CACNA1E: variants seen among roughly 807,000 people sequenced by gnomAD.
CACNA1E encodes voltage-dependent R-type calcium channel subunit alpha-1E.
A neutral mutation model predicts 259.2 loss-of-function variants in CACNA1E; 40 were observed. The ratio of observed to expected loss-of-function variants is 0.15; its 90% CI spans 0.12 to 0.20. The LOEUF (loss-of-function observed/expected upper bound fraction) is 0.20, where lower values mean the gene tolerates loss of function less well. Among genes scored for constraint, CACNA1E ranks in the 10% least tolerant of loss-of-function variants. The pLI is 1.00. For synonymous variants in CACNA1E, 1,104 were observed against 1,138.5 expected (o/e 0.97, Z 0.61); for missense variants, 1,874 against 3,040.1 (o/e 0.62, Z 9.02).
chr1:181,709,208 C>A (rs1288392705), intron 7 of CACNA1E, among the ~76,000 whole-genome samples: 7 of 152,182 alleles, frequency 4.6e-5, no homozygotes, highest in African/African-American at 1.7e-4. Flanking sequence ...TTTCAAATTT[C>A]TGAAATTCAG....
chr1:181,514,268 T>C (rs929529898), intron 3 of CACNA1E, among the ~76,000 whole-genome samples: 1 of 152,198 alleles, frequency 6.6e-6, no homozygotes, highest in African/African-American at 2.4e-5. Flanking sequence ...GACAGCATGT[T>C]TTTCTTTCTT....
chr1:181,481,982 C>T (rs1051755077), upstream of CACNA1E, among the ~76,000 whole-genome samples: 43 of 152,164 alleles, frequency 2.8e-4, no homozygotes, highest in African/African-American at 9.9e-4. Context: ...AGGGCCCTTC[C>T]AGGAGACGTC....
At chr1:181,780,934 C>T (rs541172086) in intron 38 of CACNA1E, among the ~76,000 whole-genome samples, 8 of 152,182 alleles carry the variant, frequency 5.3e-5, no homozygotes, top group South Asian at 2.1e-4. Flanking sequence ...TCCAGGCCAG[C>T]GCCCCAGCCG....
chr1:181,734,588 A>G (rs1655851740), intron 21 of CACNA1E, among the ~76,000 whole-genome samples: 1 of 139,406 alleles, frequency 7.2e-6, no homozygotes, highest in Admixed American at 7.1e-5. Context: ...TATGAATTCT[A>G]CACCCTATCC....
chr1:181,503,366 T>C (rs1199013985), intron 1 of CACNA1E, among the ~76,000 whole-genome samples: 2 of 152,226 alleles, frequency 1.3e-5, no homozygotes, highest in Non-Finnish European at 2.9e-5. Context: ...GTGTGATTAA[T>C]ATCCCTTCTA....
chr1:181,571,984 G>A (rs1213902006), intron 3 of CACNA1E, among the ~76,000 whole-genome samples: 1 of 152,104 alleles, frequency 6.6e-6, no homozygotes, highest in African/African-American at 2.4e-5. Flanking sequence ...TGAATTTTAG[G>A]TTTCAGATAA....
intron 25 of CACNA1E, among the ~76,000 whole-genome samples, chr1:181,741,925 T>C (rs1469866874): frequency 3.3e-5 from 5 of 152,214 alleles, no homozygotes; most frequent in Admixed American, 6.5e-5. Flanking sequence ...CATCACTTGC[T>C]TTTAGTCATG....
At chr1:181,570,953 C>T (rs1650349052) in intron 3 of CACNA1E, among the ~76,000 whole-genome samples, 1 of 152,220 alleles carries the variant, frequency 6.6e-6, no homozygotes, top group South Asian at 2.1e-4. Flanking sequence ...CCTGGTCTTC[C>T]AATATCCCCT....
At chr1:181,644,962 G>A (rs370478264) in intron 6 of CACNA1E, among the ~76,000 whole-genome samples, 14 of 152,170 alleles carry the variant, frequency 9.2e-5, no homozygotes, top group East Asian at 1.9e-4. Flanking sequence ...TCTGAAAAGC[G>A]TACAGGAGCA....
intron 3 of CACNA1E, among the ~76,000 whole-genome samples, chr1:181,523,109 A>G (rs777228464): frequency 9.2e-5 from 14 of 151,406 alleles, no homozygotes; most frequent in Non-Finnish European, 2.1e-4. Context: ...AACTTTGTCT[A>G]TTAGACTCTG....
At chr1:181,395,913 A>C (rs1656649419) in intron 1 of CACNA1E, among the ~76,000 whole-genome samples, 1 of 152,258 alleles carries the variant, frequency 6.6e-6, no homozygotes, top group South Asian at 2.1e-4. Context: ...TCAAAAACTT[A>C]GCAGCTTAAA....
chr1:181,406,325 A>AT (rs1189801628), intron 1 of CACNA1E, among the ~76,000 whole-genome samples: 1 of 152,210 alleles, frequency 6.6e-6, no homozygotes, highest in Non-Finnish European at 1.5e-5. Context: ...TTTATTGGGC[A>AT]TTTTTTATGG....
chr1:181,758,021 G>C lies in CACNA1E; in HGVS notation c.4404G>C (p.Gln1468His), dbSNP rs370478765. Reference protein sequence around the residue: ...RYMPQNRHTFQYRVWHFVVSP... With the variant: ...RYMPQNRHTFHYRVWHFVVSP... ...TGCCGCAGAACAGACACACCTTCCA[G>C]TACCGCGTGTGGCACTTTGTGGTGT... The change falls in exon 31 of 48, where the codon CAG becomes CAC. Residue 1468 changes from glutamine (Q) to histidine (H), a missense_variant. By Grantham distance (24) the Gln-to-His change is conservative (BLOSUM62 0). Coordinates refer to ENST00000367573, the MANE Select transcript of CACNA1E (RefSeq NM_001205293.3). This position sits in a 1 kb window ranked among gnomAD's most constrained non-coding sequence, Gnocchi z 4.2. 6.2e-7 allele frequency: 1 copy of C among 1,613,966 alleles called. No individual in the cohort carries two copies. Among genetic ancestry groups the C allele is most frequent in the Admixed American group, 1.7e-5 (1 of 60,036 alleles).
chr1:181,322,645 G>C (rs1440909480), intron 1 of CACNA1E, among the ~76,000 whole-genome samples: 12 of 152,166 alleles, frequency 7.9e-5, no homozygotes, highest in Admixed American at 7.2e-4. Context: ...CATGGACTTG[G>C]GGGTAACTGC....
At chr1:181,735,585 G>A (rs958322989) in intron 21 of CACNA1E, among the ~76,000 whole-genome samples, 2 of 152,174 alleles carry the variant, frequency 1.3e-5, no homozygotes, top group African/African-American at 4.8e-5. Flanking sequence ...AGCTCCCCTC[G>A]ACCTCTGGCT....
intron 2 of CACNA1E, among the ~76,000 whole-genome samples, chr1:181,431,554 G>A (rs925936437): frequency 2.0e-5 from 3 of 152,174 alleles, no homozygotes; most frequent in African/African-American, 7.2e-5. Context: ...TAACAGACAT[G>A]CCAGTGGACC....
intron 23 of CACNA1E, 84 bp from the exon 24 acceptor site, chr1:181,738,283 T>A (rs1656247876): frequency 9.4e-7 from 1 of 1,068,944 alleles, no homozygotes; most frequent in Non-Finnish European, 1.5e-6. Flanking sequence ...CGTGCACGAG[T>A]GCATGTGTCC....
intron 7 of CACNA1E, among the ~76,000 whole-genome samples, chr1:181,685,824 A>G (rs1352936289): frequency 6.6e-6 from 1 of 152,038 alleles, no homozygotes; most frequent in East Asian, 1.9e-4. Flanking sequence ...ACTCATTTGT[A>G]CCCCACTTGT....
At chr1:181,521,703 T>C (rs1667005308) in intron 3 of CACNA1E, among the ~76,000 whole-genome samples, 1 of 152,176 alleles carries the variant, frequency 6.6e-6, no homozygotes, top group African/African-American at 2.4e-5. Context: ...ACATGCTGCA[T>C]AGGAGAAGAC....
Sources: gnomAD v4.1 joint callset for allele counts (sites outside exome capture counted in the v4.1 genomes callset) on GRCh38, gnomAD v4.1.1 for gene constraint, Gnocchi (gnomAD v3.1) non-coding constraint, MANE v1.5 for transcripts, NCBI Gene and HGNC (gene_info 2026-07-23, HGNC 2026-07-21) for gene names.